PTPRD: variants seen among roughly 807,000 people sequenced by gnomAD.
PTPRD encodes receptor-type tyrosine-protein phosphatase delta.
Under a neutral mutation model 214.5 loss-of-function variants are expected in PTPRD, and 34 were observed. The observed-to-expected ratio is 0.16, with a 90% confidence interval of 0.12 to 0.21. The LOEUF is 0.21. Ranked by LOEUF, PTPRD falls within the 10% of genes least tolerant of loss-of-function variation. The probability of loss-of-function intolerance (pLI) is 1.00; values close to 1 mark genes in which losing one functional copy is unlikely to be tolerated. For synonymous variants in PTPRD, 1,128 were observed against 845.7 expected, an observed-to-expected ratio of 1.33 and a Z score of -5.79; for missense variants, 2,545 against 2,398.7, an observed-to-expected ratio of 1.06 and a Z score of -1.27.
At position 8,691,876 on chromosome 9, in the gene PTPRD, C is replaced by T. The variant is rs530884625; in HGVS notation, c.64+41904G>A. 2.7e-4 allele frequency among the ~76,000 whole-genome samples: 41 copies of T among 152,274 alleles called. No homozygotes were observed. The South Asian group carries it at 8.1e-3, about 30-fold the overall frequency. On this transcript the variant is annotated intron_variant, in intron 12 of 45. Transcript: ENST00000381196. Reference sequence around the variant, plus strand: ...CTCACACCAAGTATATACTGGCTTGCATTTCAACAACAAAAGTCTTGAAAT... The same window carrying T: ...CTCACACCAAGTATATACTGGCTTGTATTTCAACAACAAAAGTCTTGAAAT...
chr9:9,364,227 G>A (rs757240688), intron 9 of PTPRD, among the ~76,000 whole-genome samples: 1 of 151,344 alleles, frequency 6.6e-6, no homozygotes, highest in African/African-American at 2.4e-5. Flanking sequence ...AGTTTTATAT[G>A]CACATAAAGT....
At chr9:10,538,144 T>C (rs1284646000) in intron 2 of PTPRD, among the ~76,000 whole-genome samples, 1 of 151,800 alleles carries the variant, frequency 6.6e-6, no homozygotes, top group African/African-American at 2.4e-5. Flanking sequence ...CCCTATCCAA[T>C]CACTGTGTTC....
chr9:9,397,676 A>G (rs190783287), intron 8 of PTPRD, among the ~76,000 whole-genome samples, 194 bp from the exon 9 acceptor site: 521 of 152,102 alleles, frequency 3.4e-3, no homozygotes, highest in Non-Finnish European at 5.1e-3. Flanking sequence ...AAGGAGTAAA[A>G]AAGATATTAG....
intron 14 of PTPRD, among the ~76,000 whole-genome samples, chr9:8,585,684 C>A (rs1299413240): frequency 6.6e-6 from 1 of 152,094 alleles, no homozygotes; most frequent in Non-Finnish European, 1.5e-5. Flanking sequence ...TTTATATATT[C>A]TGGTAAAACT....
chr9:9,869,034 A>T (rs183475913), intron 5 of PTPRD, among the ~76,000 whole-genome samples: 1 of 152,344 alleles, frequency 6.6e-6, no homozygotes, highest in Non-Finnish European at 1.5e-5. Context: ...AGAATATGGT[A>T]TAATTAAAAG....
intron 37 of PTPRD, among the ~76,000 whole-genome samples, chr9:8,381,388 A>T: frequency 6.6e-6 from 1 of 152,190 alleles, no homozygotes; most frequent in East Asian, 1.9e-4. Context: ...GGAAATTTTT[A>T]AGACCAGATT....
intron 3 of PTPRD, 23 bp from the exon 4 acceptor site, chr9:10,033,813 G>A (rs9886852): frequency 0.21 from 31,229 of 151,980 alleles, 3,658 homozygotes; most frequent in East Asian, 0.49. Flanking sequence ...GTGAGAGATC[G>A]CTTTAATTCA....
intron 6 of PTPRD, among the ~76,000 whole-genome samples, chr9:9,758,080 G>C (rs921059819): frequency 6.1e-5 from 9 of 147,214 alleles, no homozygotes; most frequent in African/African-American, 2.3e-4. Context: ...TGGGTGTATT[G>C]CAAACACATC....
At chr9:10,555,634 ATTCCT>A in intron 2 of PTPRD, among the ~76,000 whole-genome samples, 1 of 152,340 alleles carries the variant, frequency 6.6e-6, no homozygotes, top group Non-Finnish European at 1.5e-5. Flanking sequence ...TTGAAAATGT[ATTCCT>A]TTTTGCACAC....
intron 10 of PTPRD, among the ~76,000 whole-genome samples, chr9:9,114,885 G>C (rs1174246089): frequency 1.3e-5 from 2 of 152,070 alleles, no homozygotes; most frequent in Admixed American, 6.6e-5. Context: ...AGGACATTTA[G>C]GGAAACGTTC....
intron 3 of PTPRD, among the ~76,000 whole-genome samples, chr9:10,340,097 T>A (rs2096911407): frequency 6.6e-6 from 1 of 151,866 alleles, no homozygotes; most frequent in Non-Finnish European, 1.5e-5. Context: ...GCTAATTACT[T>A]GTTCAATAAT....
intron 4 of PTPRD, among the ~76,000 whole-genome samples, chr9:9,998,390 C>T (rs955509606): frequency 5.3e-5 from 8 of 151,594 alleles, no homozygotes; most frequent in Non-Finnish European, 7.4e-5. Flanking sequence ...AAAAGTAGAC[C>T]TCCTTCTAAG....
At chr9:9,473,948 A>G (rs568549471) in intron 8 of PTPRD, among the ~76,000 whole-genome samples, 6 of 150,862 alleles carry the variant, frequency 4.0e-5, no homozygotes, top group Non-Finnish European at 7.4e-5. Flanking sequence ...GTTTTGCTTT[A>G]CGGAAGCTTT....
At chr9:9,479,756 C>CA (rs2095318872) in intron 8 of PTPRD, among the ~76,000 whole-genome samples, 1 of 151,722 alleles carries the variant, frequency 6.6e-6, no homozygotes, top group African/African-American at 2.4e-5. Context: ...CAAAACAAAA[C>CA]AAAAAACTCT....
At chr9:10,550,000 G>T (rs1001395301) in intron 2 of PTPRD, among the ~76,000 whole-genome samples, 1 of 151,932 alleles carries the variant, frequency 6.6e-6, no homozygotes, top group Admixed American at 6.6e-5. Flanking sequence ...CACCCCTCTG[G>T]CAGGATTGAT....
rs569187879 is a variant in PTPRD at position 9,779,733 on chromosome 9, A to G, written c.-367-12882T>C. On this transcript the variant is annotated intron_variant, in intron 5 of 45. Coordinates refer to ENST00000381196, the MANE Select transcript of PTPRD (RefSeq NM_002839.4). ...GCTGGTAAGGCTATGGAGAAAAGGGAGCACCAACTTATATTCCTACCAACA... is the reference window on the plus strand; with the variant it reads ...GCTGGTAAGGCTATGGAGAAAAGGGGGCACCAACTTATATTCCTACCAACA... 7.0e-4 allele frequency among the ~76,000 whole-genome samples: 106 copies of G among 152,330 alleles called. 1 individual carries two copies. The highest frequency in any genetic ancestry group is 2.4e-3 in the African/African-American group (98 of 41,578).
chr9:8,360,348 C>G (rs1385490170), intron 39 of PTPRD, among the ~76,000 whole-genome samples: 2 of 152,174 alleles, frequency 1.3e-5, no homozygotes, highest in Non-Finnish European at 2.9e-5. Context: ...ATCTGCTAAT[C>G]ATTGGTCATA....
chr9:9,693,945 T>G (rs2097322914), intron 7 of PTPRD, among the ~76,000 whole-genome samples: 1 of 152,210 alleles, frequency 6.6e-6, no homozygotes, highest in Admixed American at 6.5e-5. Context: ...TGCTTGATTC[T>G]TTTTAAATAT....
At chr9:9,964,680 G>A (rs6477429) in intron 4 of PTPRD, among the ~76,000 whole-genome samples, 97,233 of 152,012 alleles carry the variant, frequency 0.64, 33,039 homozygotes, top group East Asian at 0.92. Context: ...TATTCAAACT[G>A]TGGTTAGCAG....
Sources: allele counts gnomAD v4.1 joint callset (sites outside exome capture counted in the v4.1 genomes callset), GRCh38; gene constraint gnomAD v4.1.1; transcripts MANE v1.5; gene names NCBI Gene and HGNC (gene_info 2026-07-23, HGNC 2026-07-21).